The following PIK3C3 variants were observed in gnomAD, a reference collection of about 807,000 sequenced individuals.
The protein encoded by PIK3C3 is phosphatidylinositol 3-kinase catalytic subunit type 3, also known as PI3-kinase type 3.
In PIK3C3, 95 loss-of-function variants were observed where a neutral mutation model predicts 126.1. The ratio of observed to expected loss-of-function variants is 0.75; its 90% CI spans 0.64 to 0.89. The LOEUF (loss-of-function observed/expected upper bound fraction) is 0.89. PIK3C3 is among the 40% of genes least tolerant of loss of function. The probability of loss-of-function intolerance (pLI) is 0.00; values close to 1 mark genes in which losing one functional copy is unlikely to be tolerated. For synonymous variants in PIK3C3, 374 were observed against 360.0 expected (o/e 1.04, Z -0.44); for missense variants, 829 against 1,063.2 (o/e 0.78, Z 3.06).
intron 4 of PIK3C3, among the ~76,000 whole-genome samples, chr18:41,983,351 G>C (rs1010241011): frequency 6.6e-6 from 1 of 151,994 alleles, no homozygotes; most frequent in Non-Finnish European, 1.5e-5. Flanking sequence ...ACCAAGGGCA[G>C]GAATCTTTTT....
At chr18:41,983,019 A>C (rs996277990) in intron 4 of PIK3C3, among the ~76,000 whole-genome samples, 2 of 152,188 alleles carry the variant, frequency 1.3e-5, no homozygotes, top group African/African-American at 4.8e-5. Flanking sequence ...TATTTATTTG[A>C]AATGAAAAGT....
At chr18:42,013,618 A>T in intron 11 of PIK3C3, 22 bp downstream of exon 11, 1 of 1,528,022 alleles carries the variant, frequency 6.5e-7, no homozygotes, top group Non-Finnish European at 8.9e-7. Context: ...CAGGGAGGAC[A>T]TATTTTCTAG....
chr18:42,031,178 G>A (rs1983807720), intron 15 of PIK3C3, among the ~76,000 whole-genome samples: 1 of 152,046 alleles, frequency 6.6e-6, no homozygotes, highest in Non-Finnish European at 1.5e-5. Context: ...ATATTGAAAT[G>A]GCCACTAATC....
chr18:41,961,741 G>A (rs1049531804), intron 2 of PIK3C3, among the ~76,000 whole-genome samples: 1 of 151,918 alleles, frequency 6.6e-6, no homozygotes, highest in Non-Finnish European at 1.5e-5. Context: ...TCTTGAAGAG[G>A]GTTGAAATTA....
intron 3 of PIK3C3, among the ~76,000 whole-genome samples, chr18:41,965,454 C>T (rs1018787843): frequency 7.2e-5 from 11 of 152,058 alleles, no homozygotes; most frequent in Non-Finnish European, 1.2e-4. Flanking sequence ...GCTTCTGGCA[C>T]GTTTTTTTAA....
chr18:42,076,123 C>CACATATATATATATATATATATAT (rs1568013588), intron 24 of PIK3C3, among the ~76,000 whole-genome samples: 35 of 30,244 alleles, frequency 1.2e-3, no homozygotes, highest in African/African-American at 5.1e-3. Flanking sequence ...TATATATATG[C>CACATATATATATATATATATATAT]GCATATATAT....
In PIK3C3 at chr18:42,013,500, A is replaced by G. The variant is rs761778541; in HGVS notation, c.1229A>G (p.Asp410Gly). ...GCTCTCAAATATGAAAATTTTGATG[A>G]TATAAAGAATGGATTGGAACCTACC... is the stretch of plus-strand genomic sequence containing the variant. ...VQALKYENFD[D>G]IKNGLEPTKK... The change falls in exon 11 of 25, where the codon GAT becomes GGT. Residue 410 changes from aspartate to glycine, a missense_variant. Asp to Gly is a moderately conservative substitution (Grantham distance 94, BLOSUM62 -1). Transcript: ENST00000262039. The G allele has an allele frequency of 1.3e-6, 2 of 1,590,356 alleles. No homozygotes were observed. The highest frequency in any genetic ancestry group is 1.7e-6 in the Non-Finnish European group (2 of 1,165,026).
intron 21 of PIK3C3, among the ~76,000 whole-genome samples, chr18:42,054,178 A>G (rs1349079493): frequency 1.5e-5 from 1 of 66,674 alleles, no homozygotes; most frequent in Non-Finnish European, 2.9e-5. Flanking sequence ...ATATATATAT[A>G]TATATATATA....
chr18:42,005,107 C>T (rs1460137230), intron 10 of PIK3C3, among the ~76,000 whole-genome samples: 1 of 152,154 alleles, frequency 6.6e-6, no homozygotes, highest in African/African-American at 2.4e-5. Context: ...TATTTATATA[C>T]AGTTATTTAT....
At chr18:41,970,282 A>G in intron 3 of PIK3C3, 45 bp from the exon 4 acceptor site, 1 of 1,558,226 alleles carries the variant, frequency 6.4e-7, no homozygotes, top group Non-Finnish European at 8.8e-7. Context: ...CCTGTAATGA[A>G]CTGTATTAAT....
chr18:42,036,444 T>A (rs1464351773), intron 16 of PIK3C3, among the ~76,000 whole-genome samples: 1 of 152,064 alleles, frequency 6.6e-6, no homozygotes, highest in African/African-American at 2.4e-5. Context: ...TTGACTCATT[T>A]TTTTTTCTTT....
intron 10 of PIK3C3, among the ~76,000 whole-genome samples, chr18:42,005,931 C>T (rs569862082): frequency 6.6e-6 from 1 of 151,162 alleles, no homozygotes; most frequent in Non-Finnish European, 1.5e-5. Flanking sequence ...AACCCCCTAA[C>T]CTCTACTAGA....
At position 41,962,579 on chromosome 18, in the gene PIK3C3, C is replaced by G. The variant is rs372601661; in HGVS notation, c.348C>G (p.Pro116=). ...VALTIWDVYG[P]GKAVPVGGTT... is the part of the protein sequence containing the mutation. ...TCACCATATGGGATGTGTATGGTCC[C>G]GGAAAAGCAGTGCCTGTAGGAGGAA... Residue 116 remains proline, a synonymous_variant, in exon 3 of 25, where the codon CCC becomes CCG. Coordinates refer to ENST00000262039, the MANE Select transcript of PIK3C3 (RefSeq NM_002647.4). 3 of 1,613,422 alleles carry G rather than the reference C, an allele frequency of 1.9e-6. No individual in the cohort carries two copies. The highest frequency in any genetic ancestry group is 1.7e-4 in the Middle Eastern group (1 of 6,056).
At chr18:41,976,612 A>G (rs1980935751) in intron 4 of PIK3C3, among the ~76,000 whole-genome samples, 1 of 152,202 alleles carries the variant, frequency 6.6e-6, no homozygotes. Context: ...AAGTCATGAA[A>G]TCCTCTTCTG....
chr18:41,962,462 T>C, intron 2 of PIK3C3, 27 bp from the exon 3 acceptor site: 3 of 1,575,900 alleles, frequency 1.9e-6, no homozygotes, highest in Non-Finnish European at 2.6e-6. Context: ...TATGTATTTC[T>C]GATTTATGTT....
chr18:42,057,746 T>C (rs1435968483), intron 21 of PIK3C3, 137 bp from the exon 22 acceptor site: 2 of 722,238 alleles, frequency 2.8e-6, no homozygotes, highest in Non-Finnish European at 4.5e-6. Context: ...GTTAGAAATA[T>C]CGAAGAATTT....
chr18:42,054,178 ATATATATATATAT>A (rs1984951557), intron 21 of PIK3C3, among the ~76,000 whole-genome samples: 1 of 66,674 alleles, frequency 1.5e-5, no homozygotes, highest in African/African-American at 7.4e-5. Flanking sequence ...ATATATATAT[ATATATATATATAT>A]AAAGGGGAAT....
chr18:42,072,186 T>G (rs1030825287), intron 24 of PIK3C3, among the ~76,000 whole-genome samples: 1 of 152,238 alleles, frequency 6.6e-6, no homozygotes, highest in African/African-American at 2.4e-5. Flanking sequence ...ATATTGTTAA[T>G]CGATTTATGG....
Position 41,990,559 on chromosome 18 carries a change from T to C in PIK3C3, c.714+5T>C. 5 of 1,485,272 alleles carry C rather than the reference T, an allele frequency of 3.4e-6. No individual in the cohort carries two copies. The highest frequency in any genetic ancestry group is 3.8e-6 in the Non-Finnish European group (4 of 1,064,766). 92.0% of individuals were successfully genotyped at this position (1,485,272 alleles called of 1,614,324 possible). The stretch of plus-strand genomic sequence containing the variant: ...GGTATTGTTTATTATGAAAAGGTAT[T>C]TCCCTTGGAACTGTTTTTGGTCTCT... On this transcript the variant is annotated splice_donor_5th_base_variant and intron_variant, in intron 6 of 24. Coordinates refer to ENST00000262039, the MANE Select transcript of PIK3C3 (RefSeq NM_002647.4).
Sources: gnomAD v4.1 joint callset for allele counts (sites outside exome capture counted in the v4.1 genomes callset) on GRCh38, gnomAD v4.1.1 for gene constraint, MANE v1.5 for transcripts, NCBI Gene and HGNC (gene_info 2026-07-23, HGNC 2026-07-21) for gene names.